STAB2: variants seen among roughly 807,000 people sequenced by gnomAD.
The protein encoded by STAB2 is stabilin 2.
Under a neutral mutation model 338.1 loss-of-function variants are expected in STAB2, and 288 were observed. The observed-to-expected ratio is 0.85, with a 90% CI of 0.77 to 0.94. The LOEUF is 0.94. Ranked by LOEUF, STAB2 falls within the 40% of genes least tolerant of loss-of-function variation. The probability of loss-of-function intolerance (pLI) is 0.00; values close to 1 mark genes in which losing one functional copy is unlikely to be tolerated. For missense variants in STAB2, 3,141 were observed against 3,210.1 expected (o/e 0.98, Z 0.52); for synonymous variants, 1,202 against 1,193.3 (o/e 1.01, Z -0.15).
chr12:103,674,848 G>T (rs893692666), intron 23 of STAB2, among the ~76,000 whole-genome samples: 2 of 152,100 alleles, frequency 1.3e-5, no homozygotes, highest in South Asian at 2.1e-4. Context: ...CTAGACTATA[G>T]GCTATATGAG....
chr12:103,765,691 C>T (rs1163707988), intron 68 of STAB2, among the ~76,000 whole-genome samples: 1 of 152,168 alleles, frequency 6.6e-6, no homozygotes, highest in African/African-American at 2.4e-5. Context: ...GCTGGGCCTA[C>T]AGGCATGTGC....
rs1487089487 is a variant in STAB2, at chr12:103,728,907, C to T, written c.4994C>T (p.Ala1665Val). ...MPQVLRYHVV[A>V]CHQLLLENLK... ...CAGGTTCTTCGGTACCATGTGGTCG[C>T]CTGCCACCAGCTGCTTCTGGAAAAC... Residue 1665 changes from alanine (A) to valine (V), a missense_variant, in exon 48 of 69, where the codon GCC becomes GTC. Coordinates refer to ENST00000388887, the MANE Select transcript of STAB2 (RefSeq NM_017564.10). The T allele has an allele frequency of 6.2e-7, 1 of 1,613,982 alleles. No individual in the cohort carries two copies.
At chr12:103,753,434 T>C (rs1263300631) in intron 61 of STAB2, 81 bp downstream of exon 61, 1 of 1,589,680 alleles carries the variant, frequency 6.3e-7, no homozygotes, top group African/African-American at 1.3e-5. Flanking sequence ...TGGGGAAGAC[T>C]TGAGCTGTTG....
rs936245805 is a variant in STAB2 at position 103,746,632 on chromosome 12, C to T, written c.6172C>T (p.His2058Tyr). 4 of 1,614,008 alleles carry T rather than the reference C, an allele frequency of 2.5e-6. No individual in the cohort carries two copies. In the African/African-American group the frequency reaches 4.0e-5, roughly 16 times the overall value. Residue 2058 changes from histidine (H) to tyrosine (Y), a missense_variant, in exon 58 of 69, where the codon CAT becomes TAT. By Grantham distance (83) the His-to-Tyr change is moderately conservative (BLOSUM62 2). Transcript: ENST00000388887. Reference protein sequence around the residue: ...PAVCTPPCSAHATCKENNTCE... With the variant: ...PAVCTPPCSAYATCKENNTCE... ...AGTGTGTACGCCTCCTTGTTCTGCT[C>T]ATGCCACCTGTAAGGAGAACAACAC...
intron 30 of STAB2, among the ~76,000 whole-genome samples, chr12:103,691,149 C>T (rs1877902444): frequency 6.6e-6 from 1 of 152,230 alleles, no homozygotes; most frequent in Admixed American, 6.5e-5. Context: ...ATTCAGAATT[C>T]TGTGAGGGAG....
At chr12:103,593,967 A>G (rs10507167) in intron 2 of STAB2, among the ~76,000 whole-genome samples, 6,052 of 152,262 alleles carry the variant, frequency 0.04, 177 homozygotes, top group East Asian at 0.12. Context: ...TACATCTGCA[A>G]TATCTCCAAT....
Position 103,669,549 on chromosome 12 carries a change from G to A in STAB2, c.2181G>A (p.Lys727=). 2 of 1,614,178 alleles carry A rather than the reference G, an allele frequency of 1.2e-6. No individual in the cohort carries two copies. The highest frequency in any genetic ancestry group is 2.2e-5 in the South Asian group (2 of 91,086). ...RYCNATVKIP[K]CCKGFYGPDC... is the part of the protein sequence containing the mutation. ...CGCATTTTGTTTTTCAGATTCCAAA[G>A]TGCTGCAAAGGCTTCTATGGACCTG... The change falls in exon 21 of 69, where the codon AAG becomes AAA. Residue 727 remains lysine (K), a synonymous_variant. Coordinates refer to ENST00000388887, the MANE Select transcript of STAB2 (RefSeq NM_017564.10).
At position 103,655,246 on chromosome 12, in the gene STAB2, T is replaced by C. The variant is rs1874092884; in HGVS notation, c.1552-5T>C. ...CTGATTTTTAAGCAAAATGTCTCTT[T>C]TTAGCAAACCATAATGACAATGCTA... On this transcript the variant is annotated splice_polypyrimidine_tract_variant and splice_region_variant and intron_variant, in intron 13 of 68. Transcript: ENST00000388887. The C allele has an allele frequency of 6.2e-7, 1 of 1,609,324 alleles. No individual in the cohort carries two copies. The highest frequency in any genetic ancestry group is 1.7e-5 in the Admixed American group (1 of 58,996).
At chr12:103,737,276 A>G (rs750883916) in intron 52 of STAB2, among the ~76,000 whole-genome samples, 18 of 152,196 alleles carry the variant, frequency 1.2e-4, no homozygotes, top group Non-Finnish European at 2.4e-4. Context: ...CCTGGGTGCA[A>G]ATGCCCACAC....
chr12:103,640,113 T>A lies in STAB2; in HGVS notation c.907-10T>A. ...GATCCTATTTGTTTTTCTCTTCCTGTCTACTGAAGTCTCACTGCGAGTGTA... is the reference window on the plus strand; with the variant it reads ...GATCCTATTTGTTTTTCTCTTCCTGACTACTGAAGTCTCACTGCGAGTGTA... On this transcript the variant is annotated splice_polypyrimidine_tract_variant and intron_variant, in intron 8 of 68. Coordinates refer to ENST00000388887, the MANE Select transcript of STAB2 (RefSeq NM_017564.10). 1 of 1,601,464 alleles carries A rather than the reference T, an allele frequency of 6.2e-7. No individual in the cohort carries two copies. Among genetic ancestry groups the A allele is most frequent in the South Asian group, 1.1e-5 (1 of 88,938 alleles).
chr12:103,707,900 C>T (rs1879507298), intron 38 of STAB2, among the ~76,000 whole-genome samples: 1 of 152,122 alleles, frequency 6.6e-6, no homozygotes, highest in African/African-American at 2.4e-5. Context: ...TGCATGAGTT[C>T]CTAAAATGGG....
chr12:103,760,817 G>C (rs957483857), intron 65 of STAB2, among the ~76,000 whole-genome samples: 2 of 152,194 alleles, frequency 1.3e-5, no homozygotes, highest in African/African-American at 4.8e-5. Context: ...AATTTAATGT[G>C]CATTTGAATC....
intron 27 of STAB2, among the ~76,000 whole-genome samples, chr12:103,686,961 A>G (rs1877490185): frequency 6.6e-6 from 1 of 152,138 alleles, no homozygotes; most frequent in East Asian, 1.9e-4. Flanking sequence ...GGGATTACTC[A>G]GGCATCTCTG....
chr12:103,737,598 C>A (rs61937836), intron 52 of STAB2, 36 bp from the exon 53 acceptor site: 5 of 1,253,068 alleles, frequency 4.0e-6, no homozygotes, highest in Non-Finnish European at 5.3e-6. Context: ...CTCTCTCTCT[C>A]TCTTTCTCTT....
At chr12:103,661,153 G>A (rs1467418444) in intron 17 of STAB2, among the ~76,000 whole-genome samples, 3 of 149,764 alleles carry the variant, frequency 2.0e-5, no homozygotes, top group Non-Finnish European at 4.4e-5. Context: ...TTGAGGAGGT[G>A]ATGCTTTGGC....
chr12:103,658,346 C>G (rs831426), intron 15 of STAB2, among the ~76,000 whole-genome samples: 1 of 152,062 alleles, frequency 6.6e-6, no homozygotes, highest in East Asian at 1.9e-4. Flanking sequence ...TCCTGGAAAC[C>G]TACCCTGTTC....
intron 42 of STAB2, 125 bp from the exon 43 acceptor site, chr12:103,715,690 A>G: frequency 1.9e-6 from 2 of 1,048,912 alleles, no homozygotes; most frequent in South Asian, 2.9e-5. Flanking sequence ...ACTTCCAGAA[A>G]ACTGAATCAT....
chr12:103,703,159 T>C lies in STAB2; in HGVS notation c.3726T>C (p.Asn1242=), dbSNP rs1458379457. ...FFLHNDQLYV[N]EAPINYTNVA... ...CCTGTTGTTCACAGCTCTATGTAAA[T>C]GAGGCTCCAATAAACTACACCAATG... The change falls in exon 35 of 69, where the codon AAT becomes AAC. Residue 1242 remains asparagine, a synonymous_variant. Coordinates refer to ENST00000388887, the MANE Select transcript of STAB2 (RefSeq NM_017564.10). 2.5e-6 allele frequency: 4 copies of C among 1,613,572 alleles called. No individual in the cohort carries two copies. Among genetic ancestry groups the C allele is most frequent in the Non-Finnish European group, 3.4e-6 (4 of 1,179,950 alleles).
intron 44 of STAB2, among the ~76,000 whole-genome samples, chr12:103,720,571 A>C (rs1880684625): frequency 6.6e-6 from 1 of 152,228 alleles, no homozygotes; most frequent in Non-Finnish European, 1.5e-5. Flanking sequence ...CATTCCAAAA[A>C]GCTCTTTTAA....
Sources: allele counts gnomAD v4.1 joint callset (sites outside exome capture counted in the v4.1 genomes callset), GRCh38; gene constraint gnomAD v4.1.1; transcripts MANE v1.5; gene names NCBI Gene and HGNC (gene_info 2026-07-23, HGNC 2026-07-21).